CACNB3: variants seen among roughly 807,000 people sequenced by gnomAD.
CACNB3 encodes the protein calcium voltage-gated channel auxiliary subunit beta 3.
In CACNB3, 36 loss-of-function variants were observed where a neutral mutation model predicts 63.7. That is an observed-to-expected ratio of 0.57 (90% confidence interval 0.43 to 0.75). The LOEUF (loss-of-function observed/expected upper bound fraction) is 0.75. CACNB3 is among the 30% of genes least tolerant of loss of function. The probability of loss-of-function intolerance (pLI) is 0.00; values close to 1 mark genes in which losing one functional copy is unlikely to be tolerated. For synonymous variants in CACNB3, 241 were observed against 250.6 expected (o/e 0.96, Z 0.36); for missense variants, 493 against 648.6 (o/e 0.76, Z 2.61).
intron 1 of CACNB3, among the ~76,000 whole-genome samples, chr12:48,819,304 G>C (rs1381238335): frequency 1.3e-5 from 2 of 152,146 alleles, no homozygotes; most frequent in Admixed American, 6.5e-5. Context: ...AACACGCCAT[G>C]TCTGGAGTTC....
chr12:48,827,580 C>A lies in CACNB3; in HGVS notation c.1141-5C>A. The A allele has an allele frequency of 1.2e-6, 2 of 1,611,196 alleles. No individual in the cohort carries two copies. The highest frequency in any genetic ancestry group is 1.7e-6 in the Non-Finnish European group (2 of 1,178,672). ...CCTCACTGAGAGCTGTTGTATGGCC[C>A]CCAGAACCAGCAGCTGCTGGGGGAG... is the stretch of plus-strand genomic sequence containing the variant. On this transcript the variant is annotated splice_region_variant and splice_polypyrimidine_tract_variant and intron_variant, in intron 12 of 12. Transcript: ENST00000301050.
Position 48,826,828 on chromosome 12 carries a change from TATG to T in CACNB3, c.967_969del (p.Asp323del), listed in dbSNP as rs1294537290. On this transcript the variant is annotated inframe_deletion, in exon 11 of 13. Transcript: ENST00000301050. This position sits in a 1 kb window ranked among gnomAD's most constrained non-coding sequence, Gnocchi z 4.8. ...GCACCTGACCGTACAGATGATGGCA[TATG>T]ATAAGCTGGTTCAGTGCCCACCGGT... 3.1e-6 allele frequency: 5 copies of T among 1,613,980 alleles called. No homozygotes were observed. The highest frequency in any genetic ancestry group is 1.3e-5 in the African/African-American group (1 of 74,910).
In CACNB3 at chr12:48,825,103, A is replaced by G. The variant is rs776760957; in HGVS notation, c.493-60A>G. The G allele has an allele frequency of 6.3e-6, 10 of 1,598,538 alleles. No homozygotes were observed. The highest frequency in any genetic ancestry group is 1.1e-5 in the South Asian group (1 of 90,728). On this transcript the variant is annotated intron_variant, in intron 6 of 12. Transcript: ENST00000301050. This position sits in a 1 kb window ranked among gnomAD's most constrained non-coding sequence, Gnocchi z 4.5. ...AACCTCTGGATCTGCCCTGACGCCA[A>G]CCAGGCATGAGACAGGCACCAGGGC...
chr12:48,822,628 G>T (rs1937910827), intron 1 of CACNB3, among the ~76,000 whole-genome samples: 1 of 152,192 alleles, frequency 6.6e-6, no homozygotes, highest in African/African-American at 2.4e-5. Context: ...TTCTTGGTCT[G>T]TGTCTTGTTT....
In CACNB3 at chr12:48,828,016, C is replaced by T. The variant is rs1938246280; in HGVS notation, c.*117C>T. On this transcript the variant is annotated 3_prime_UTR_variant, in exon 13 of 13. Transcript: ENST00000301050. ...GCACTAGGCTCAGCCCCCAAAACCCCCTGCCCAGCCCCAGCTTCAGGGCTG... is the reference window on the plus strand; with the variant it reads ...GCACTAGGCTCAGCCCCCAAAACCCTCTGCCCAGCCCCAGCTTCAGGGCTG... The T allele has an allele frequency of 3.5e-6, 3 of 857,094 alleles. No homozygotes were observed. The Admixed American group carries it at 7.6e-5, about 22-fold the overall frequency. The allele number at this position is 857,094 out of a possible 1,614,324, so 53.1% of individuals were successfully genotyped here.
chr12:48,824,993 T>G (rs953193861), intron 6 of CACNB3, 25 bp downstream of exon 6: 2 of 1,606,416 alleles, frequency 1.2e-6, no homozygotes, highest in Non-Finnish European at 1.7e-6. Context: ...GGACCTGGGC[T>G]GGGGGGATCA....
At chr12:48,814,801 C>G, upstream of CACNB3, 1 of 394,768 alleles carries the variant, frequency 2.5e-6, no homozygotes, top group Non-Finnish European at 4.5e-6. This position sits in a 1 kb window ranked among gnomAD's most constrained non-coding sequence, Gnocchi z 6.9. Flanking sequence ...GCCCCGGGAC[C>G]GGACACCAGG....
In CACNB3 at chr12:48,826,847, G is replaced by A; in HGVS notation, c.983G>A (p.Cys328Tyr). The A allele has an allele frequency of 6.2e-7, 1 of 1,613,910 alleles. No homozygotes were observed. The highest frequency in any genetic ancestry group is 8.5e-7 in the Non-Finnish European group (1 of 1,179,800). The change falls in exon 11 of 13, where the codon TGC becomes TAC. Residue 328 changes from cysteine to tyrosine, a missense_variant. Physicochemically the swap from Cys to Tyr is radical, Grantham distance 194. Coordinates refer to ENST00000301050, the MANE Select transcript of CACNB3 (RefSeq NM_000725.4). This position sits in a 1 kb window ranked among gnomAD's most constrained non-coding sequence, Gnocchi z 4.8. ...ATGGCATATGATAAGCTGGTTCAGTGCCCACCGGTGAGTGCCTGGGTCAGC... is the reference window on the plus strand; with the variant it reads ...ATGGCATATGATAAGCTGGTTCAGTACCCACCGGTGAGTGCCTGGGTCAGC... Reference protein sequence around the residue: ...QMMAYDKLVQCPPESFDVILD... With the variant: ...QMMAYDKLVQYPPESFDVILD...
At chr12:48,822,867 G>A (rs966485583) in intron 1 of CACNB3, among the ~76,000 whole-genome samples, 3 of 152,176 alleles carry the variant, frequency 2.0e-5, no homozygotes, top group African/African-American at 7.2e-5. Flanking sequence ...CTGGTGCTGT[G>A]CCAACCAGCA....
chr12:48,823,959 C>T lies in CACNB3; in HGVS notation c.291+156C>T. 1.0e-6 allele frequency: 1 copy of T among 958,642 alleles called. No homozygotes were observed. The highest frequency in any genetic ancestry group is 1.5e-6 in the Non-Finnish European group (1 of 650,858). The allele number at this position is 958,642 out of a possible 1,614,324, so 59.4% of individuals were successfully genotyped here. ...TGTCCACCCCTCATATCTAAGATCT[C>T]ATCCCCAGGGTCTCCATCCTTCTGA... On this transcript the variant is annotated intron_variant, in intron 3 of 12. Coordinates refer to ENST00000301050, the MANE Select transcript of CACNB3 (RefSeq NM_000725.4). This position sits in a 1 kb window ranked among gnomAD's most constrained non-coding sequence, Gnocchi z 4.2.
rs776048436 is a variant in CACNB3, at chr12:48,827,085, G to A, written c.1102G>A (p.Gly368Arg). Residue 368 changes from glycine to arginine, a missense_variant, in exon 12 of 13, where the codon GGA becomes AGA. Physicochemically the swap from Gly to Arg is moderately radical, Grantham distance 125. Transcript: ENST00000301050. Reference protein sequence around the residue: ...RATHHPAPGPGLLGPPSAIPG... With the variant: ...RATHHPAPGPRLLGPPSAIPG... ...CACGCACCACCCAGCCCCTGGCCCC[G>A]GACTTCTGGGTCCTCCCAGTGCCAT... 45 of 1,612,906 alleles carry A rather than the reference G, an allele frequency of 2.8e-5. No individual in the cohort carries two copies. Among genetic ancestry groups the A allele is most frequent in the East Asian group, 4.5e-5 (2 of 44,888 alleles).
At chr12:48,818,483 C>G, upstream of CACNB3, 2 of 998,210 alleles carry the variant, frequency 2.0e-6, no homozygotes, top group Non-Finnish European at 2.4e-6. This position sits in a 1 kb window ranked among gnomAD's most constrained non-coding sequence, Gnocchi z 4.3. Flanking sequence ...CCGCCCTGCC[C>G]GCAGCCTCTC....
Position 48,828,109 on chromosome 12 carries a change from G to T in CACNB3, c.*210G>T. On this transcript the variant is annotated 3_prime_UTR_variant, in exon 13 of 13. Coordinates refer to ENST00000301050, the MANE Select transcript of CACNB3 (RefSeq NM_000725.4). ...CCTCCTGGGCAGTGACCCCTACTAGGCTCCCATTCCAGGTACTAGCTGTGT... is the reference window on the plus strand; with the variant it reads ...CCTCCTGGGCAGTGACCCCTACTAGTCTCCCATTCCAGGTACTAGCTGTGT... The T allele has an allele frequency of 3.4e-6, 2 of 595,346 alleles. No homozygotes were observed. The highest frequency in any genetic ancestry group is 5.6e-5 in the East Asian group (2 of 35,808). The allele number at this position is 595,346 out of a possible 1,614,324, so 36.9% of individuals were successfully genotyped here.
At chr12:48,817,104 G>A (rs1942304416), upstream of CACNB3, 2 of 658,228 alleles carry the variant, frequency 3.0e-6, no homozygotes, top group South Asian at 1.3e-4. Context: ...AGTCCCTTCA[G>A]CCACAGGGGC....
Position 48,827,867 on chromosome 12 carries a change from C to T in CACNB3, c.1423C>T (p.Arg475Cys), listed in dbSNP as rs747404713. The T allele has an allele frequency of 2.7e-5, 43 of 1,613,898 alleles. No individual in the cohort carries two copies. Among genetic ancestry groups the T allele is most frequent in the Non-Finnish European group, 3.5e-5 (41 of 1,179,952 alleles). Residue 475 changes from arginine to cysteine, a missense_variant, in exon 13 of 13, where the codon CGC becomes TGC. Arg to Cys is a radical substitution (Grantham distance 180). Transcript: ENST00000301050. ...CAACCACAGTGACCGGAACTGGCAG[C>T]GCAACCGGCCTTGGCCCAAGGATAG... ...EHNHSDRNWQ[R>C]NRPWPKDSY
rs915731490 is a variant in CACNB3, at chr12:48,818,553, G to C, written c.-377G>C. ...TGCTCGGGGACCCACCTTCCACCTA[G>C]CACGGGTTCGTTCCCCTCTCCCGGC... On this transcript the variant is annotated 5_prime_UTR_variant, in exon 1 of 13. Transcript: ENST00000301050. This position sits in a 1 kb window ranked among gnomAD's most constrained non-coding sequence, Gnocchi z 4.3. 37 of 1,048,964 alleles carry C rather than the reference G, an allele frequency of 3.5e-5. No individual in the cohort carries two copies. Among genetic ancestry groups the C allele is most frequent in the African/African-American group, 1.4e-4 (8 of 58,322 alleles). The allele number at this position is 1,048,964 out of a possible 1,614,324, so 65.0% of individuals were successfully genotyped here.
chr12:48,828,017 C>T lies in CACNB3; in HGVS notation c.*118C>T, dbSNP rs1306497384. 7 of 857,674 alleles carry T rather than the reference C, an allele frequency of 8.2e-6. No individual in the cohort carries two copies. The East Asian group carries it at 1.9e-4, about 23-fold the overall frequency. The allele number at this position is 857,674 out of a possible 1,614,324, so 53.1% of individuals were successfully genotyped here. A position where few individuals can be genotyped will look rare whatever the true frequency, so the allele number is the denominator to read the frequency against. On this transcript the variant is annotated 3_prime_UTR_variant, in exon 13 of 13. Transcript: ENST00000301050. ...CACTAGGCTCAGCCCCCAAAACCCC[C>T]TGCCCAGCCCCAGCTTCAGGGCTGC...
At position 48,826,903 on chromosome 12, in the gene CACNB3, G is replaced by A. The variant is rs373561241; in HGVS notation, c.990+49G>A. 16 of 1,612,756 alleles carry A rather than the reference G, an allele frequency of 9.9e-6. No homozygotes were observed. Among genetic ancestry groups the A allele is most frequent in the Non-Finnish European group, 1.3e-5 (15 of 1,178,998 alleles). ...CTGTGCCCACTCCCCCAGGGCTGCG[G>A]CAGTGATAGAGATGGGTGGGGGGCT... On this transcript the variant is annotated intron_variant, in intron 11 of 12. Coordinates refer to ENST00000301050, the MANE Select transcript of CACNB3 (RefSeq NM_000725.4). The surrounding 1 kb of genome is among the most constrained non-coding windows in gnomAD (Gnocchi z 4.8).
In CACNB3 at chr12:48,818,968, G is replaced by A. The variant is rs1243300943; in HGVS notation, c.39G>A (p.Ser13=). The change falls in exon 1 of 13, where the codon TCG becomes TCA. Residue 13 remains serine (S), a synonymous_variant. Transcript: ENST00000301050. The surrounding 1 kb of genome is among the most constrained non-coding windows in gnomAD (Gnocchi z 4.3). Reference sequence around the variant, plus strand: ...CCTACGTGCCCGGGTTTGAGGACTCGGAGGCGGTGAGTGCCCACGATGAGG... The same window carrying A: ...CCTACGTGCCCGGGTTTGAGGACTCAGAGGCGGTGAGTGCCCACGATGAGG... ...DDSYVPGFED[S]EAGSADSYTS... 4 of 1,605,962 alleles carry A rather than the reference G, an allele frequency of 2.5e-6. No homozygotes were observed. The South Asian group carries it at 3.4e-5, about 14-fold the overall frequency.
Sources: allele counts gnomAD v4.1 joint callset (sites outside exome capture counted in the v4.1 genomes callset), GRCh38; gene constraint gnomAD v4.1.1; non-coding constraint Gnocchi (gnomAD v3.1); transcripts MANE v1.5; gene names NCBI Gene and HGNC (gene_info 2026-07-23, HGNC 2026-07-21).